LRRC7: variants seen among roughly 807,000 people sequenced by gnomAD.
The protein encoded by LRRC7 is leucine rich repeat containing 7.
A neutral mutation model predicts 175.7 loss-of-function variants in LRRC7; 23 were observed. That is an observed-to-expected ratio of 0.13 (90% CI 0.09 to 0.19). LRRC7 has a LOEUF of 0.19. Among genes scored for constraint, LRRC7 ranks in the 10% least tolerant of loss-of-function variants. LRRC7 has a pLI of 1.00. For synonymous variants in LRRC7, 685 were observed against 680.9 expected (o/e 1.01, Z -0.09); for missense variants, 1,354 against 1,904.7 (o/e 0.71, Z 5.38).
intron 24 of LRRC7, among the ~76,000 whole-genome samples, chr1:70,081,632 T>C (rs1283292170): frequency 6.6e-6 from 1 of 152,052 alleles, no homozygotes; most frequent in African/African-American, 2.4e-5. Context: ...CAAGAGTAAA[T>C]TGACACTGGA....
At chr1:70,060,576 A>G (rs779936267) in intron 23 of LRRC7, among the ~76,000 whole-genome samples, 1 of 152,248 alleles carries the variant, frequency 6.6e-6, no homozygotes, top group Non-Finnish European at 1.5e-5. Flanking sequence ...TAGATGAGAG[A>G]GAGAGATGAG....
At chr1:69,943,203 T>C (rs1301927422) in intron 8 of LRRC7, among the ~76,000 whole-genome samples, 3 of 152,120 alleles carry the variant, frequency 2.0e-5, no homozygotes, top group African/African-American at 7.2e-5. Context: ...ACAATAGAAA[T>C]GTCCATCACC....
At chr1:69,713,938 G>A (rs901592960) in intron 2 of LRRC7, among the ~76,000 whole-genome samples, 1 of 151,576 alleles carries the variant, frequency 6.6e-6, no homozygotes, top group African/African-American at 2.4e-5. Context: ...CTAATTCCTG[G>A]GACTCTCTTC....
At chr1:69,837,767 A>G (rs1002616503) in intron 6 of LRRC7, among the ~76,000 whole-genome samples, 1 of 151,676 alleles carries the variant, frequency 6.6e-6, no homozygotes, top group Admixed American at 6.6e-5. Flanking sequence ...TATCTCAGTT[A>G]ATTTTAGGAA....
intron 3 of LRRC7, among the ~76,000 whole-genome samples, chr1:69,769,570 G>A (rs1160943293): frequency 6.6e-6 from 1 of 152,128 alleles, no homozygotes; most frequent in African/African-American, 2.4e-5. Context: ...AAGCATAAAT[G>A]AATTTTGTGT....
Position 70,039,058 on chromosome 1 carries a change from G to A in LRRC7, c.3234G>A (p.Val1078=). Residue 1078 remains valine (V), a synonymous_variant, in exon 21 of 27, where the codon GTG becomes GTA. Coordinates refer to ENST00000651989, the MANE Select transcript of LRRC7 (RefSeq NM_001370785.2). ...AAAGCTTCAATCCTCAAGGATCAGT[G>A]GAAGTGAAAGCCGAAAAGAGGATAC... The part of the protein sequence containing the change: ...FDQSFNPQGS[V]EVKAEKRIPP... 1 of 1,614,044 alleles carries A rather than the reference G, an allele frequency of 6.2e-7. No individual in the cohort carries two copies. Among genetic ancestry groups the A allele is most frequent in the Non-Finnish European group, 8.5e-7 (1 of 1,180,010 alleles).
At chr1:69,711,974 T>A (rs923072765) in intron 2 of LRRC7, among the ~76,000 whole-genome samples, 1 of 152,162 alleles carries the variant, frequency 6.6e-6, no homozygotes, top group East Asian at 1.9e-4. Context: ...AGTGGGGATC[T>A]TGTGTCATCA....
At chr1:69,889,640 C>G (rs1409210444) in intron 7 of LRRC7, among the ~76,000 whole-genome samples, 3 of 152,164 alleles carry the variant, frequency 2.0e-5, no homozygotes, top group Admixed American at 6.5e-5. Context: ...AGCTCTGTCT[C>G]TACAAAAATA....
chr1:69,713,062 G>C (rs538923702), intron 2 of LRRC7, among the ~76,000 whole-genome samples: 12 of 152,210 alleles, frequency 7.9e-5, no homozygotes, highest in African/African-American at 2.9e-4. Context: ...GAATGTAATA[G>C]TTTATTTTTA....
intron 22 of LRRC7, among the ~76,000 whole-genome samples, chr1:70,049,452 G>A (rs76507859): frequency 2.6e-5 from 4 of 151,966 alleles, no homozygotes; most frequent in Admixed American, 1.3e-4. Context: ...CAAGATTTAC[G>A]CTGCACCTCA....
chr1:69,910,507 A>G (rs1013519742), intron 7 of LRRC7, among the ~76,000 whole-genome samples: 1 of 152,184 alleles, frequency 6.6e-6, no homozygotes, highest in African/African-American at 2.4e-5. Flanking sequence ...CGGTGGCTGT[A>G]GAACAGCAGA....
At chr1:69,825,681 T>C in intron 4 of LRRC7, 67 bp from the exon 5 acceptor site, 1 of 1,003,188 alleles carries the variant, frequency 1.0e-6, no homozygotes, top group Non-Finnish European at 1.5e-6. Context: ...TATCTAAATA[T>C]TAGAACTATA....
intron 7 of LRRC7, among the ~76,000 whole-genome samples, chr1:69,910,411 C>G (rs1646485945): frequency 6.6e-6 from 1 of 152,162 alleles, no homozygotes; most frequent in South Asian, 2.1e-4. Flanking sequence ...CAGACAGGAC[C>G]CTCAGCTGCA....
At position 70,125,053 on chromosome 1, in the gene LRRC7, C is replaced by CT. The variant is rs989849144; in HGVS notation, c.*3167dup. Among the ~76,000 whole-genome samples, 2 of 152,228 alleles carry CT rather than the reference C, an allele frequency of 1.3e-5. No homozygotes were observed. Among genetic ancestry groups the CT allele is most frequent in the African/African-American group, 4.8e-5 (2 of 41,458 alleles). ...TGTCATTAAAGCTCTGCTATGATAA[C>CT]TCCAGCCTTCTGATGACAACACAGT... On this transcript the variant is annotated 3_prime_UTR_variant, in exon 27 of 27. Transcript: ENST00000651989.
intron 18 of LRRC7, among the ~76,000 whole-genome samples, chr1:70,029,889 A>G (rs553623645): frequency 1.1e-4 from 16 of 152,320 alleles, no homozygotes; most frequent in Admixed American, 3.9e-4. Flanking sequence ...TAACAAATCC[A>G]AAATTAGATT....
Position 70,039,737 on chromosome 1 carries a change from C to T in LRRC7, c.3913C>T (p.Pro1305Ser). 1 of 1,612,960 alleles carries T rather than the reference C, an allele frequency of 6.2e-7. No homozygotes were observed. The highest frequency in any genetic ancestry group is 8.5e-7 in the Non-Finnish European group (1 of 1,179,538). The change falls in exon 21 of 27, where the codon CCT (proline) becomes TCT (serine). Residue 1305 changes from proline (P) to serine (S), a missense_variant. Pro to Ser is a moderately conservative substitution (Grantham distance 74, BLOSUM62 -1). This residue lies in a region of LRRC7 where 1,032 missense variants were observed against 1,227.2 expected (regional missense o/e 0.84). Coordinates refer to ENST00000651989, the MANE Select transcript of LRRC7 (RefSeq NM_001370785.2). ...VKGEESCGKM[P>S]ADWRQQLLRH... ...GGGAGAGGAGAGCTGTGGTAAAATG[C>T]CTGCAGACTGGAGACAACAGCTGCT...
chr1:70,013,012 C>G lies in LRRC7; in HGVS notation c.1173C>G (p.Arg391=), dbSNP rs149111202. 9.4e-4 allele frequency: 1,491 copies of G among 1,585,046 alleles called. 1 individual carries two copies. Among genetic ancestry groups the G allele is most frequent in the Non-Finnish European group, 1.2e-3 (1,380 of 1,164,788 alleles). Residue 391 remains arginine (R), a synonymous_variant, in exon 13 of 27, where the codon CGC becomes CGG. Coordinates refer to ENST00000651989, the MANE Select transcript of LRRC7 (RefSeq NM_001370785.2). ...SCKNVTVMSL[R]SNKLEFLPEE... ...AGAATGTAACAGTCATGTCTCTACG[C>G]TCCAACAAATTAGAATTTCTTCCTG...
chr1:69,843,751 A>G (rs1338461144), intron 7 of LRRC7, among the ~76,000 whole-genome samples: 2 of 152,146 alleles, frequency 1.3e-5, no homozygotes, highest in African/African-American at 4.8e-5. Context: ...TTATATATGT[A>G]AATTAAAGCC....
intron 7 of LRRC7, chr1:69,919,491 C>T: frequency 2.2e-6 from 2 of 909,568 alleles, no homozygotes; most frequent in East Asian, 2.6e-5. Flanking sequence ...GCAGTGGCGG[C>T]AAAATCTGGC....
Sources: gnomAD v4.1 joint callset for allele counts (sites outside exome capture counted in the v4.1 genomes callset) on GRCh38, gnomAD v4.1.1 for gene constraint, gnomAD v4.1.1 regional missense constraint, MANE v1.5 for transcripts, NCBI Gene and HGNC (gene_info 2026-07-23, HGNC 2026-07-21) for gene names.